CHODL: variants seen among roughly 807,000 people sequenced by gnomAD.
CHODL encodes chondrolectin.
A neutral mutation model predicts 34.5 loss-of-function variants in CHODL; 29 were observed. The observed-to-expected ratio is 0.84, with a 90% confidence interval of 0.63 to 1.15. The LOEUF (loss-of-function observed/expected upper bound fraction) is 1.15, where lower values mean the gene tolerates loss of function less well. CHODL is among the 50% of genes most tolerant of loss of function. The pLI is 0.00. For missense variants in CHODL, 332 were observed against 332.5 expected (o/e 1.00, Z 0.01); for synonymous variants, 125 against 116.1 (o/e 1.08, Z -0.49).
chr21:17,918,093 A>C (rs1400224918), intron 1 of CHODL, among the ~76,000 whole-genome samples: 1 of 152,162 alleles, frequency 6.6e-6, no homozygotes, highest in Non-Finnish European at 1.5e-5. Flanking sequence ...TATCCTGAGG[A>C]TAAGGAAGGT....
intron 2 of CHODL, among the ~76,000 whole-genome samples, chr21:18,083,847 G>A (rs2064971462): frequency 6.6e-6 from 1 of 152,168 alleles, no homozygotes; most frequent in Admixed American, 6.5e-5. Flanking sequence ...ATGGACAGAA[G>A]GGACTTGCCT....
In CHODL at chr21:17,954,612, A is replaced by C. The variant is rs1204960364; in HGVS notation, c.-145+37212A>C. Among the ~76,000 whole-genome samples, 5 of 135,544 alleles carry C rather than the reference A, an allele frequency of 3.7e-5. 2 individuals carry two copies. The highest frequency in any genetic ancestry group is 7.3e-5 in the Admixed American group (1 of 13,680). The allele number at this position is 135,544 out of a possible 152,430, so 88.9% of individuals were successfully genotyped here. Reference sequence around the variant, plus strand: ...TCCTGCATTGGACTGTGTTTATACCATCAGTGCAGCTGGTCCTCAGGCCTT... The same window carrying C: ...TCCTGCATTGGACTGTGTTTATACCCTCAGTGCAGCTGGTCCTCAGGCCTT... On this transcript the variant is annotated intron_variant, in intron 1 of 6. Coordinates refer to the CHODL transcript ENST00000400127.
chr21:17,993,906 A>G (rs1482249693), intron 1 of CHODL, among the ~76,000 whole-genome samples: 2 of 152,190 alleles, frequency 1.3e-5, no homozygotes, highest in African/African-American at 4.8e-5. Flanking sequence ...ATAGCTTTTC[A>G]TAATAGTTTC....
At chr21:18,259,679 A>G (rs568715813) in intron 3 of CHODL, among the ~76,000 whole-genome samples, 1 of 152,386 alleles carries the variant, frequency 6.6e-6, no homozygotes, top group South Asian at 2.1e-4. Context: ...GGCATTGTAT[A>G]TGCAGAACAG....
chr21:18,232,967 ATATATG>A (rs1338275690), intron 2 of CHODL, among the ~76,000 whole-genome samples: 15 of 139,212 alleles, frequency 1.1e-4, no homozygotes, highest in African/African-American at 4.2e-4. Flanking sequence ...ATATATATAT[ATATATG>A]TATATATATG....
At chr21:18,161,560 C>T (rs902298661) in intron 2 of CHODL, among the ~76,000 whole-genome samples, 1 of 152,136 alleles carries the variant, frequency 6.6e-6, no homozygotes, top group African/African-American at 2.4e-5. Context: ...ACTTTTTGTT[C>T]CTTAAATGGG....
At chr21:18,108,211 A>T (rs1416336726) in intron 2 of CHODL, among the ~76,000 whole-genome samples, 1 of 150,924 alleles carries the variant, frequency 6.6e-6, no homozygotes, top group Non-Finnish European at 1.5e-5. Flanking sequence ...AATACTAGTT[A>T]TGTCTGCTGG....
rs554560650 is a variant in CHODL, at chr21:18,247,081, T to A, written c.79+1779T>A. 5.5e-4 allele frequency among the ~76,000 whole-genome samples: 84 copies of A among 152,326 alleles called. No individual in the cohort carries two copies. In the South Asian group the frequency reaches 0.016, roughly 29 times the overall value. On this transcript the variant is annotated intron_variant, in intron 1 of 5. Transcript: ENST00000299295. ...AACCATCTATAAATTGATTTGTGAC[T>A]TTTATTATTTGAAGACTAATTTCTT... is the stretch of plus-strand genomic sequence containing the variant.
chr21:17,932,507 G>C (rs573859242), intron 1 of CHODL, among the ~76,000 whole-genome samples: 10 of 152,270 alleles, frequency 6.6e-5, no homozygotes, highest in Admixed American at 5.9e-4. Context: ...ACCTGCACTT[G>C]TATGTTTATT....
At chr21:18,043,942 C>T (rs1482685075) in intron 2 of CHODL, among the ~76,000 whole-genome samples, 2 of 151,858 alleles carry the variant, frequency 1.3e-5, no homozygotes, top group African/African-American at 4.8e-5. Flanking sequence ...GACTTATTCA[C>T]TATCACAGAA....
At chr21:17,980,611 A>G (rs567886176) in intron 1 of CHODL, among the ~76,000 whole-genome samples, 5 of 152,318 alleles carry the variant, frequency 3.3e-5, no homozygotes, top group Non-Finnish European at 7.4e-5. Context: ...ATGATGTTGC[A>G]TTGAATTCCA....
chr21:18,059,242 A>G (rs1404190922), intron 2 of CHODL, among the ~76,000 whole-genome samples: 2 of 152,182 alleles, frequency 1.3e-5, no homozygotes, highest in Non-Finnish European at 2.9e-5. Flanking sequence ...TCTACAGGCC[A>G]GAAAGGGAGA....
At chr21:18,057,339 T>C (rs552901988) in intron 2 of CHODL, among the ~76,000 whole-genome samples, 5 of 152,238 alleles carry the variant, frequency 3.3e-5, no homozygotes, top group Non-Finnish European at 7.4e-5. Flanking sequence ...TTTTTTTCTA[T>C]ATTTTATTTT....
chr21:18,140,786 T>C (rs930894731), intron 2 of CHODL, among the ~76,000 whole-genome samples: 2 of 152,110 alleles, frequency 1.3e-5, no homozygotes, highest in Non-Finnish European at 2.9e-5. Flanking sequence ...ATTATATACA[T>C]ATAATTACTT....
rs2073888800 is a variant in CHODL, at chr21:18,222,011, G to A, written c.-44-34498G>A. Among the ~76,000 whole-genome samples, 6 of 152,304 alleles carry A rather than the reference G, an allele frequency of 3.9e-5. No individual in the cohort carries two copies. The South Asian group carries it at 1.0e-3, about 26-fold the overall frequency. On this transcript the variant is annotated intron_variant, in intron 2 of 6. Coordinates refer to the CHODL transcript ENST00000400127. ...GTTGCTCTGTCAGCCTCTGTGTAGG[G>A]TGCATCAGCACCAATGGGATGGGTG...
chr21:18,107,748 A>G (rs2065291143), intron 2 of CHODL, among the ~76,000 whole-genome samples: 1 of 152,218 alleles, frequency 6.6e-6, no homozygotes, highest in Non-Finnish European at 1.5e-5. Context: ...TGAGCTCAGT[A>G]GCTACATTGC....
intron 2 of CHODL, among the ~76,000 whole-genome samples, chr21:18,151,602 C>T (rs372435561): frequency 5.3e-5 from 8 of 152,172 alleles, no homozygotes; most frequent in African/African-American, 7.2e-5. Flanking sequence ...TTAAAATGGT[C>T]GATCAGAAGT....
chr21:18,006,481 C>A (rs1380265841), intron 1 of CHODL, among the ~76,000 whole-genome samples: 3 of 152,150 alleles, frequency 2.0e-5, no homozygotes, highest in Non-Finnish European at 2.9e-5. Flanking sequence ...TGTGTGATAC[C>A]TTTCCTCCCT....
intron 1 of CHODL, among the ~76,000 whole-genome samples, chr21:18,249,979 G>C (rs1210070349): frequency 6.6e-6 from 1 of 152,286 alleles, no homozygotes; most frequent in East Asian, 1.9e-4. Context: ...CAGTCTATAA[G>C]AGGGACCTTT....
Sources: gnomAD v4.1 joint callset for allele counts (sites outside exome capture counted in the v4.1 genomes callset) on GRCh38, gnomAD v4.1.1 for gene constraint, MANE v1.5 for transcripts, NCBI Gene and HGNC (gene_info 2026-07-23, HGNC 2026-07-21) for gene names.